FNDC3B: variants seen among roughly 807,000 people sequenced by gnomAD.
FNDC3B encodes fibronectin type III domain containing 3B, also known as fibronectin type III domain-containing protein 3B.
Under a neutral mutation model 151.5 loss-of-function variants are expected in FNDC3B, and 12 were observed. The ratio of observed to expected loss-of-function variants is 0.08; its 90% CI spans 0.05 to 0.13. FNDC3B has a LOEUF of 0.13. Among genes scored for constraint, FNDC3B ranks in the 10% least tolerant of loss-of-function variants. FNDC3B has a pLI of 1.00. For synonymous variants in FNDC3B, 528 were observed against 549.0 expected, an observed-to-expected ratio of 0.96 and a Z score of 0.54; for missense variants, 1,214 against 1,505.3, an observed-to-expected ratio of 0.81 and a Z score of 3.20.
intron 3 of FNDC3B, among the ~76,000 whole-genome samples, chr3:172,222,991 G>A (rs1415682199): frequency 2.6e-5 from 4 of 152,182 alleles, no homozygotes; most frequent in African/African-American, 9.7e-5. Context: ...TACAATCATT[G>A]CATTAATTAC....
At chr3:172,050,036 C>CT (rs1224092699) in intron 1 of FNDC3B, among the ~76,000 whole-genome samples, 2 of 151,806 alleles carry the variant, frequency 1.3e-5, no homozygotes, top group Non-Finnish European at 2.9e-5. Context: ...TTCATCTGAA[C>CT]TTGTCTCTGG....
In FNDC3B at chr3:172,330,615, G is replaced by A. The variant is rs779458029; in HGVS notation, c.1454G>A (p.Arg485Gln). The change falls in exon 13 of 26, where the codon CGA becomes CAA. Residue 485 changes from arginine (R) to glutamine (Q), a missense_variant. This residue lies in a region of FNDC3B where 111 missense variants were observed against 96.8 expected (regional missense o/e 1.15). Transcript: ENST00000415807. ...ATGCCTTCTGCACCAAGGCTGGTTC[G>A]AGCTGGCATCACATGGGTCACGTTG... is the stretch of plus-strand genomic sequence containing the variant. The part of the protein sequence containing the change: ...PQMPSAPRLV[R>Q]AGITWVTLQW... 3.1e-6 allele frequency: 5 copies of A among 1,614,056 alleles called. No homozygotes were observed. Among genetic ancestry groups the A allele is most frequent in the East Asian group, 2.2e-5 (1 of 44,898 alleles).
At chr3:172,201,730 T>A (rs995140204) in intron 3 of FNDC3B, among the ~76,000 whole-genome samples, 5 of 152,194 alleles carry the variant, frequency 3.3e-5, no homozygotes, top group African/African-American at 4.8e-5. Context: ...AGCTGTTTAG[T>A]GGATATCAGA....
At chr3:172,310,283 A>G (rs569247714) in intron 10 of FNDC3B, among the ~76,000 whole-genome samples, 46 of 152,348 alleles carry the variant, frequency 3.0e-4, no homozygotes, top group Non-Finnish European at 5.1e-4. Flanking sequence ...TAACGTATGA[A>G]GGATGAATAG....
At chr3:172,209,538 T>G (rs1362232141) in intron 3 of FNDC3B, among the ~76,000 whole-genome samples, 1 of 152,132 alleles carries the variant, frequency 6.6e-6, no homozygotes, top group Non-Finnish European at 1.5e-5. Flanking sequence ...GGGGTTTTTA[T>G]GGGCTCAGAA....
In FNDC3B at chr3:172,310,743, A is replaced by G. The variant is rs1731431683; in HGVS notation, c.1201-85A>G. The stretch of plus-strand genomic sequence containing the variant: ...TGAGGGGAGAGCACAGGACTATCAT[A>G]GACACTGTATGTGAGCCAGGTGGGT... On this transcript the variant is annotated intron_variant, in intron 10 of 25. Coordinates refer to ENST00000415807, the MANE Select transcript of FNDC3B (RefSeq NM_022763.4). 8.3e-6 allele frequency: 8 copies of G among 959,692 alleles called. No individual in the cohort carries two copies. In the South Asian group the frequency reaches 1.0e-4, roughly 12 times the overall value. The allele number at this position is 959,692 out of a possible 1,614,324, so 59.4% of individuals were successfully genotyped here.
At chr3:172,090,693 A>G (rs1311797143) in intron 1 of FNDC3B, among the ~76,000 whole-genome samples, 1 of 152,200 alleles carries the variant, frequency 6.6e-6, no homozygotes, top group Non-Finnish European at 1.5e-5. Flanking sequence ...ACTGAAGATA[A>G]TACAGATTGA....
intron 22 of FNDC3B, among the ~76,000 whole-genome samples, chr3:172,355,103 G>A (rs1734032110): frequency 6.6e-6 from 1 of 151,950 alleles, no homozygotes; most frequent in African/African-American, 2.4e-5. Context: ...ACTTTTAAAG[G>A]CATTCCTTTA....
chr3:172,265,713 G>A (rs1170837813), intron 6 of FNDC3B, among the ~76,000 whole-genome samples: 3 of 152,172 alleles, frequency 2.0e-5, no homozygotes, highest in Non-Finnish European at 4.4e-5. Flanking sequence ...TGAATGTTTT[G>A]TGGGAACTCT....
At chr3:172,344,887 T>G (rs1733528708) in intron 19 of FNDC3B, among the ~76,000 whole-genome samples, 1 of 152,138 alleles carries the variant, frequency 6.6e-6, no homozygotes, top group South Asian at 2.1e-4. Context: ...TAATGAGCAG[T>G]GGGAGTCCCA....
At chr3:172,254,808 C>T (rs147376108) in intron 6 of FNDC3B, among the ~76,000 whole-genome samples, 4 of 152,212 alleles carry the variant, frequency 2.6e-5, no homozygotes, top group African/African-American at 4.8e-5. Flanking sequence ...TGATGTGAGC[C>T]GAGAACAGTT....
At chr3:172,304,745 A>G (rs898485342) in intron 9 of FNDC3B, among the ~76,000 whole-genome samples, 4 of 152,130 alleles carry the variant, frequency 2.6e-5, no homozygotes, top group Non-Finnish European at 5.9e-5. Context: ...AAAAATACAA[A>G]AATCAGTCAG....
intron 1 of FNDC3B, among the ~76,000 whole-genome samples, chr3:172,062,928 C>A (rs534516326): frequency 6.6e-6 from 1 of 152,132 alleles, no homozygotes; most frequent in Non-Finnish European, 1.5e-5. Context: ...AATAGTGTCT[C>A]TCTTTAAAGC....
In FNDC3B at chr3:172,380,095, A is replaced by G. The variant is rs559278284; in HGVS notation, c.3176-871A>G. ...CTTCTTCTTTTTTTTTAAGGAAAGCATTATTTTTCTGAAACAATAACACAC... is the reference window on the plus strand; with the variant it reads ...CTTCTTCTTTTTTTTTAAGGAAAGCGTTATTTTTCTGAAACAATAACACAC... On this transcript the variant is annotated intron_variant, in intron 24 of 25. Coordinates refer to ENST00000415807, the MANE Select transcript of FNDC3B (RefSeq NM_022763.4). Among the ~76,000 whole-genome samples, 8 of 151,056 alleles carry G rather than the reference A, an allele frequency of 5.3e-5. No homozygotes were observed. In the East Asian group the frequency reaches 1.6e-3, roughly 29 times the overall value.
intron 3 of FNDC3B, among the ~76,000 whole-genome samples, chr3:172,217,242 A>G (rs1181558748): frequency 6.6e-6 from 1 of 152,226 alleles, no homozygotes; most frequent in Non-Finnish European, 1.5e-5. Flanking sequence ...AGGTTATATT[A>G]CAAGCCTGTC....
intron 1 of FNDC3B, among the ~76,000 whole-genome samples, chr3:172,057,316 G>A (rs1716964156): frequency 6.6e-6 from 1 of 152,216 alleles, no homozygotes; most frequent in South Asian, 2.1e-4. Flanking sequence ...CACCACTGTG[G>A]GGGAACAGTG....
chr3:172,281,260 T>G (rs1729709459), intron 6 of FNDC3B, among the ~76,000 whole-genome samples: 1 of 142,232 alleles, frequency 7.0e-6, no homozygotes, highest in Non-Finnish European at 1.5e-5. Context: ...TTTATTTATA[T>G]TTTGAGACGG....
intron 6 of FNDC3B, among the ~76,000 whole-genome samples, chr3:172,256,865 G>A (rs536623811): frequency 6.6e-6 from 1 of 152,110 alleles, no homozygotes; most frequent in East Asian, 1.9e-4. Context: ...ATGTGTGTGT[G>A]TTTGTGTGTA....
At chr3:172,181,406 A>AC (rs796084394) in intron 3 of FNDC3B, among the ~76,000 whole-genome samples, 13 of 144,644 alleles carry the variant, frequency 9.0e-5, no homozygotes, top group South Asian at 4.7e-4. Context: ...AAAAAAAAAA[A>AC]AAAAAAAACA....
Sources: allele counts gnomAD v4.1 joint callset (sites outside exome capture counted in the v4.1 genomes callset), GRCh38; gene constraint gnomAD v4.1.1; regional missense constraint gnomAD v4.1.1; transcripts MANE v1.5; gene names NCBI Gene and HGNC (gene_info 2026-07-23, HGNC 2026-07-21).